TMEM178B: variants seen among roughly 807,000 people sequenced by gnomAD.
TMEM178B encodes the protein transmembrane protein 178B.
TMEM178B carries 5 observed loss-of-function variants against 31.0 expected under a neutral mutation model. The ratio of observed to expected loss-of-function variants is 0.16; its 90% CI spans 0.08 to 0.34. The LOEUF (loss-of-function observed/expected upper bound fraction) is 0.34. TMEM178B is among the 10% of genes least tolerant of loss of function. The pLI is 1.00. For synonymous variants in TMEM178B, 164 were observed against 164.0 expected (o/e 1.00, Z 0.00); for missense variants, 275 against 400.3 (o/e 0.69, Z 2.67).
chr7:141,246,272 T>G (rs1291138860), intron 2 of TMEM178B, among the ~76,000 whole-genome samples: 2 of 152,232 alleles, frequency 1.3e-5, no homozygotes, highest in Non-Finnish European at 2.9e-5. Flanking sequence ...AAATATCTAT[T>G]ACTTCTTGAG....
rs552223681 is a variant in TMEM178B at position 141,398,726 on chromosome 7, G to C, written c.497-38882G>C. Among the ~76,000 whole-genome samples the C allele has an allele frequency of 5.9e-5, 9 of 152,246 alleles. 1 individual carries two copies. The South Asian group carries it at 1.9e-3, about 32-fold the overall frequency. On this transcript the variant is annotated intron_variant, in intron 2 of 3. Transcript: ENST00000565468. ...GAAGCCACAGGGGGTACTGTGGGAG[G>C]GCTTCAGCAAGCCCAGGGTTGGCAG...
chr7:141,264,100 T>TG (rs1413670526), intron 2 of TMEM178B, among the ~76,000 whole-genome samples: 1 of 151,996 alleles, frequency 6.6e-6, no homozygotes, highest in Non-Finnish European at 1.5e-5. Context: ...GATATTTTGG[T>TG]GGGGGGCTCC....
At chr7:141,206,161 C>T (rs756818561) in intron 1 of TMEM178B, among the ~76,000 whole-genome samples, 1 of 152,146 alleles carries the variant, frequency 6.6e-6, no homozygotes, top group African/African-American at 2.4e-5. Context: ...ACACTTAGTA[C>T]TTGATGTGAG....
At chr7:141,158,346 T>G (rs966092212) in intron 1 of TMEM178B, among the ~76,000 whole-genome samples, 2 of 152,192 alleles carry the variant, frequency 1.3e-5, no homozygotes, top group Admixed American at 1.3e-4. Flanking sequence ...TCCACTTGCC[T>G]CAGCCTCCCA....
At chr7:141,364,620 A>G (rs1388934296) in intron 2 of TMEM178B, among the ~76,000 whole-genome samples, 3 of 138,702 alleles carry the variant, frequency 2.2e-5, no homozygotes, top group Non-Finnish European at 4.6e-5. Flanking sequence ...AAATCATGCC[A>G]CTGTACTCCA....
chr7:141,304,427 C>G (rs1290418620), intron 2 of TMEM178B, among the ~76,000 whole-genome samples: 1 of 152,130 alleles, frequency 6.6e-6, no homozygotes, highest in Non-Finnish European at 1.5e-5. Context: ...ACCCCACCCT[C>G]TTCCCACCTT....
At chr7:141,399,491 T>C (rs1021160839) in intron 2 of TMEM178B, among the ~76,000 whole-genome samples, 2 of 152,208 alleles carry the variant, frequency 1.3e-5, no homozygotes, top group African/African-American at 4.8e-5. Context: ...CATTCCAGTA[T>C]AGTAGAAGTA....
At chr7:141,292,989 C>T (rs377688626) in intron 2 of TMEM178B, among the ~76,000 whole-genome samples, 1 of 151,858 alleles carries the variant, frequency 6.6e-6, no homozygotes, top group Non-Finnish European at 1.5e-5. Context: ...AAGTGTTGAG[C>T]CTGCAATAGT....
chr7:141,149,795 G>A (rs772422077), intron 1 of TMEM178B, among the ~76,000 whole-genome samples: 3 of 152,206 alleles, frequency 2.0e-5, no homozygotes, highest in East Asian at 1.9e-4. Context: ...TCCGCCCTGC[G>A]GGTTATGGAG....
intron 2 of TMEM178B, among the ~76,000 whole-genome samples, chr7:141,281,154 T>C (rs184325666): frequency 1.3e-5 from 2 of 152,276 alleles, no homozygotes; most frequent in East Asian, 3.9e-4. Context: ...TAACTCCAGC[T>C]ATTAGTATTA....
intron 1 of TMEM178B, among the ~76,000 whole-genome samples, chr7:141,192,507 G>A (rs1217339158): frequency 7.9e-6 from 1 of 125,930 alleles, no homozygotes; most frequent in South Asian, 2.8e-4. Flanking sequence ...TTTTTTTTTT[G>A]AGACAGAGTC....
At chr7:141,217,763 C>T (rs908696139) in intron 2 of TMEM178B, among the ~76,000 whole-genome samples, 3 of 152,030 alleles carry the variant, frequency 2.0e-5, no homozygotes, top group African/African-American at 2.4e-5. Context: ...CCCTGAGACG[C>T]GGACTCACTG....
intron 2 of TMEM178B, among the ~76,000 whole-genome samples, chr7:141,219,582 C>A (rs990371443): frequency 6.6e-6 from 1 of 152,158 alleles, no homozygotes; most frequent in African/African-American, 2.4e-5. Context: ...TGCCTTGAGT[C>A]CTGAAGTCTT....
intron 1 of TMEM178B, among the ~76,000 whole-genome samples, chr7:141,157,950 G>A (rs996118412): frequency 6.6e-6 from 1 of 152,020 alleles, no homozygotes; most frequent in Admixed American, 6.5e-5. Flanking sequence ...CCCCTGCCTG[G>A]TGCATCTTTT....
intron 2 of TMEM178B, among the ~76,000 whole-genome samples, chr7:141,325,831 A>G (rs1298407379): frequency 2.2e-4 from 33 of 152,312 alleles, no homozygotes; most frequent in East Asian, 1.9e-4. Flanking sequence ...GGGAAAAAAA[A>G]AAGTCTGATT....
chr7:141,147,320 G>C (rs901098636), intron 1 of TMEM178B, among the ~76,000 whole-genome samples: 3 of 152,060 alleles, frequency 2.0e-5, no homozygotes, highest in Admixed American at 6.6e-5. Context: ...GTGCAGAGGA[G>C]GTGAGGCTGG....
At chr7:141,215,441 T>C (rs930081008) in intron 2 of TMEM178B, among the ~76,000 whole-genome samples, 1 of 152,018 alleles carries the variant, frequency 6.6e-6, no homozygotes, top group Non-Finnish European at 1.5e-5. Context: ...TTCTCCTGCC[T>C]CAGCCTCCTG....
In TMEM178B at chr7:141,175,333, G is replaced by A. The variant is rs1341035501; in HGVS notation, c.383-37258G>A. On this transcript the variant is annotated intron_variant, in intron 1 of 3. Transcript: ENST00000565468. ...TCCATTGGTCTATATATCTGTTTTG[G>A]TACCAGTACCATGCTCTTTTGGTTA... Among the ~76,000 whole-genome samples the A allele has an allele frequency of 2.6e-5, 4 of 152,086 alleles. No homozygotes were observed. The East Asian group carries it at 7.7e-4, about 29-fold the overall frequency.
At chr7:141,348,320 A>G (rs1448214717) in intron 2 of TMEM178B, among the ~76,000 whole-genome samples, 2 of 152,236 alleles carry the variant, frequency 1.3e-5, no homozygotes, top group East Asian at 3.8e-4. Context: ...TGCAGAAGCT[A>G]TGTAATGCAT....
Sources: allele counts gnomAD v4.1 joint callset (sites outside exome capture counted in the v4.1 genomes callset), GRCh38; gene constraint gnomAD v4.1.1; transcripts MANE v1.5; gene names NCBI Gene and HGNC (gene_info 2026-07-23, HGNC 2026-07-21).